GABRB1: variants seen among roughly 807,000 people sequenced by gnomAD.
GABRB1 encodes the protein gamma-aminobutyric acid type A receptor subunit beta1, also known as gamma-aminobutyric acid receptor subunit beta-1.
Under a neutral mutation model 51.6 loss-of-function variants are expected in GABRB1, and 17 were observed. That is an observed-to-expected ratio of 0.33 (90% CI 0.23 to 0.49). The LOEUF (loss-of-function observed/expected upper bound fraction) is 0.49. Ranked by LOEUF, GABRB1 falls within the 20% of genes least tolerant of loss-of-function variation. The pLI is 0.99. For synonymous variants in GABRB1, 247 were observed against 218.9 expected (o/e 1.13, Z -1.14); for missense variants, 410 against 600.6 (o/e 0.68, Z 3.32).
intron 4 of GABRB1, among the ~76,000 whole-genome samples, chr4:47,218,785 G>C (rs529541510): frequency 6.5e-4 from 99 of 151,810 alleles, no homozygotes; most frequent in African/African-American, 2.1e-3. Context: ...TTATTTCAAA[G>C]TTCATGAGTG....
rs114067908 is a variant in GABRB1, at chr4:47,360,198, G to A, written c.544+39989G>A. Among the ~76,000 whole-genome samples the A allele has an allele frequency of 9.3e-3, 1,411 of 151,922 alleles. 21 individuals carry two copies. Among genetic ancestry groups the A allele is most frequent in the African/African-American group, 0.033 (1,354 of 41,496 alleles). On this transcript the variant is annotated intron_variant, in intron 5 of 8. Transcript: ENST00000295454. Reference sequence around the variant, plus strand: ...TTCTGCTGGTGGAGTCTGTAGCTACGGAGACATCTGTGATATGGGATAAGG... The same window carrying A: ...TTCTGCTGGTGGAGTCTGTAGCTACAGAGACATCTGTGATATGGGATAAGG...
intron 3 of GABRB1, among the ~76,000 whole-genome samples, chr4:47,123,941 ATT>A (rs1478192205): frequency 2.6e-5 from 3 of 114,300 alleles, no homozygotes; most frequent in East Asian, 2.2e-4. Context: ...TATTATATAT[ATT>A]ATATATATCA....
intron 4 of GABRB1, among the ~76,000 whole-genome samples, chr4:47,279,928 T>C (rs1478846047): frequency 6.6e-6 from 1 of 151,998 alleles, no homozygotes; most frequent in African/African-American, 2.4e-5. Context: ...GGTCTTGGTT[T>C]TTTTTTTAGC....
chr4:47,278,809 T>C (rs1407608256), intron 4 of GABRB1, among the ~76,000 whole-genome samples: 1 of 152,182 alleles, frequency 6.6e-6, no homozygotes, highest in Non-Finnish European at 1.5e-5. Context: ...TCATAGTTTT[T>C]AGAGCCAAGT....
chr4:47,335,928 A>G (rs1367810007), intron 5 of GABRB1, among the ~76,000 whole-genome samples: 2 of 152,174 alleles, frequency 1.3e-5, no homozygotes, highest in Non-Finnish European at 2.9e-5. Flanking sequence ...CAAAGATGAC[A>G]CTGGACACCA....
At chr4:46,996,416 T>C (rs1723999675) in intron 1 of GABRB1, among the ~76,000 whole-genome samples, 2 of 152,102 alleles carry the variant, frequency 1.3e-5, no homozygotes, top group Non-Finnish European at 2.9e-5. Flanking sequence ...ATGCAAATAA[T>C]ACAGATAACC....
chr4:47,122,726 A>G (rs371353201), intron 3 of GABRB1, among the ~76,000 whole-genome samples: 3 of 152,328 alleles, frequency 2.0e-5, no homozygotes, highest in East Asian at 3.9e-4. Flanking sequence ...CTGCTGTCAC[A>G]GGACAAAACT....
intron 4 of GABRB1, among the ~76,000 whole-genome samples, chr4:47,314,644 A>T (rs1021901597): frequency 6.6e-6 from 1 of 151,980 alleles, no homozygotes; most frequent in African/African-American, 2.4e-5. Flanking sequence ...TTTGCTGCAC[A>T]CCTACAACCA....
intron 3 of GABRB1, among the ~76,000 whole-genome samples, chr4:47,048,433 T>C (rs1479165971): frequency 6.6e-6 from 1 of 152,170 alleles, no homozygotes; most frequent in African/African-American, 2.4e-5. Context: ...TGAGGACTTC[T>C]TGAAGACAAT....
intron 7 of GABRB1, among the ~76,000 whole-genome samples, chr4:47,404,988 A>G (rs1044982708): frequency 7.9e-5 from 12 of 152,358 alleles, no homozygotes; most frequent in African/African-American, 2.6e-4. Context: ...AAAACTTGAG[A>G]TATTTTAAAA....
At chr4:47,397,698 C>G (rs1345187289) in intron 5 of GABRB1, among the ~76,000 whole-genome samples, 2 of 152,070 alleles carry the variant, frequency 1.3e-5, no homozygotes, top group African/African-American at 4.8e-5. Flanking sequence ...TCCTGAGTAA[C>G]TGAGATTACA....
At chr4:47,295,398 C>T (rs1463299270) in intron 4 of GABRB1, among the ~76,000 whole-genome samples, 3 of 152,088 alleles carry the variant, frequency 2.0e-5, no homozygotes, top group Non-Finnish European at 4.4e-5. Context: ...ATAACCAATA[C>T]AGAGAAGTGC....
chr4:47,138,475 T>C (rs982259055), intron 3 of GABRB1, among the ~76,000 whole-genome samples: 1 of 152,058 alleles, frequency 6.6e-6, no homozygotes, highest in Admixed American at 6.6e-5. Flanking sequence ...GCTGGGCATG[T>C]CCTGAGTCTG....
intron 4 of GABRB1, among the ~76,000 whole-genome samples, chr4:47,272,813 A>C (rs999459645): frequency 6.6e-6 from 1 of 152,142 alleles, no homozygotes; most frequent in Non-Finnish European, 1.5e-5. Flanking sequence ...TGCTGTTATA[A>C]ATAGTGCTAT....
intron 4 of GABRB1, among the ~76,000 whole-genome samples, chr4:47,260,953 T>G (rs571875400): frequency 6.6e-6 from 1 of 152,182 alleles, no homozygotes; most frequent in Non-Finnish European, 1.5e-5. Flanking sequence ...AAAAACCACA[T>G]GATTATCTCA....
intron 4 of GABRB1, among the ~76,000 whole-genome samples, chr4:47,248,386 AT>A (rs746247787): frequency 3.9e-5 from 6 of 152,146 alleles, no homozygotes; most frequent in Non-Finnish European, 7.4e-5. Flanking sequence ...ATCATGGTGG[AT>A]TATCTTTTTG....
intron 4 of GABRB1, among the ~76,000 whole-genome samples, chr4:47,282,553 C>T (rs1312540770): frequency 6.6e-6 from 1 of 151,582 alleles, no homozygotes; most frequent in African/African-American, 2.4e-5. Flanking sequence ...CTGGGAATAG[C>T]AACTAAGCAT....
intron 4 of GABRB1, among the ~76,000 whole-genome samples, chr4:47,170,744 AAGAG>A (rs777419448): frequency 6.6e-6 from 1 of 152,192 alleles, no homozygotes; most frequent in Non-Finnish European, 1.5e-5. Context: ...TTTCAAATGG[AAGAG>A]AGAAACAGCA....
rs141020533 is a variant in GABRB1, at chr4:47,217,077, A to G, written c.461+55608A>G. ...GAAAAATATTTTTAAACTCATTATA[A>G]TAAATAGGCAAGACATAGTACAATT... On this transcript the variant is annotated intron_variant, in intron 4 of 8. Transcript: ENST00000295454. Among the ~76,000 whole-genome samples the G allele has an allele frequency of 6.7e-3, 1,015 of 152,052 alleles. 6 individuals carry two copies. The highest frequency in any genetic ancestry group is 0.014 in the Middle Eastern group (4 of 294).
Sources: gnomAD v4.1 joint callset for allele counts (sites outside exome capture counted in the v4.1 genomes callset) on GRCh38, gnomAD v4.1.1 for gene constraint, MANE v1.5 for transcripts, NCBI Gene and HGNC (gene_info 2026-07-23, HGNC 2026-07-21) for gene names.